The following GABRB2 variants were observed in gnomAD, a reference collection of about 807,000 sequenced individuals.
GABRB2 encodes gamma-aminobutyric acid type A receptor subunit beta2, also known as gamma-aminobutyric acid receptor subunit beta-2.
In GABRB2, 16 loss-of-function variants were observed where a neutral mutation model predicts 54.7. That is an observed-to-expected ratio of 0.29 (90% CI 0.20 to 0.44). GABRB2 has a LOEUF of 0.44. Ranked by LOEUF, GABRB2 falls within the 20% of genes least tolerant of loss-of-function variation. GABRB2 has a pLI of 1.00. For missense variants in GABRB2, 355 were observed against 644.0 expected (o/e 0.55, Z 4.86); for synonymous variants, 244 against 233.8 (o/e 1.04, Z -0.40).
chr5:161,354,152 C>CTAAA (rs1036306603), intron 5 of GABRB2, among the ~76,000 whole-genome samples: 1 of 151,980 alleles, frequency 6.6e-6, no homozygotes, highest in African/African-American at 2.4e-5. Flanking sequence ...ATAGAACCTG[C>CTAAA]TAAATATGCC....
chr5:161,421,393 G>T (rs540874490), intron 4 of GABRB2, among the ~76,000 whole-genome samples: 1 of 152,068 alleles, frequency 6.6e-6, no homozygotes, highest in Admixed American at 6.5e-5. Flanking sequence ...CTTTCCCACC[G>T]CCACATGTTT....
chr5:161,453,833 TG>T (rs1757863508), intron 4 of GABRB2, among the ~76,000 whole-genome samples: 2 of 151,996 alleles, frequency 1.3e-5, no homozygotes, highest in South Asian at 2.1e-4. Flanking sequence ...AATCAGGAGT[TG>T]AAGACCAGCC....
chr5:161,330,736 CATTA>C (rs1753813881), intron 8 of GABRB2, 143 bp downstream of exon 8: 1 of 1,130,828 alleles, frequency 8.8e-7, no homozygotes, highest in Non-Finnish European at 1.3e-6. Flanking sequence ...GTGCTTCCAT[CATTA>C]ATTGTTTGTG....
intron 5 of GABRB2, among the ~76,000 whole-genome samples, chr5:161,407,636 A>G (rs1050378265): frequency 4.6e-5 from 7 of 152,012 alleles, no homozygotes; most frequent in Admixed American, 6.6e-5. Context: ...TTCCCTAGAA[A>G]AATAGGCAGT....
At chr5:161,377,813 C>T (rs1219892951) in intron 5 of GABRB2, among the ~76,000 whole-genome samples, 1 of 151,878 alleles carries the variant, frequency 6.6e-6, no homozygotes, top group Non-Finnish European at 1.5e-5. Flanking sequence ...TAATTTGGTA[C>T]GTGAATCTAA....
chr5:161,394,939 A>G (rs988088265), intron 5 of GABRB2, among the ~76,000 whole-genome samples: 3 of 152,164 alleles, frequency 2.0e-5, no homozygotes, highest in Admixed American at 6.5e-5. Flanking sequence ...ATCCTTCATG[A>G]TGCAAAAATC....
intron 3 of GABRB2, among the ~76,000 whole-genome samples, chr5:161,468,180 A>G (rs1758332139): frequency 6.6e-6 from 1 of 152,090 alleles, no homozygotes; most frequent in South Asian, 2.1e-4. Context: ...GCAGAAATGT[A>G]AAGCAAATCA....
At chr5:161,537,589 TC>T (rs1760679374) in intron 3 of GABRB2, among the ~76,000 whole-genome samples, 1 of 152,212 alleles carries the variant, frequency 6.6e-6, no homozygotes, top group South Asian at 2.1e-4. Context: ...TTTTTTGCAT[TC>T]CTGTCTTAGT....
Position 161,330,904 on chromosome 5 carries a change from C to T in GABRB2, c.1056G>A (p.Lys352=), listed in dbSNP as rs2113397440. The T allele has an allele frequency of 6.2e-7, 1 of 1,614,258 alleles. No individual in the cohort carries two copies. Among genetic ancestry groups the T allele is most frequent in the Non-Finnish European group, 8.5e-7 (1 of 1,180,050 alleles). Residue 352 remains lysine, a synonymous_variant, in exon 8 of 10, where the codon AAG becomes AAA. Transcript: ENST00000393959. ...AEKAASANNE[K]MRLDVNKIFY... is the part of the protein sequence containing the mutation. ...TTACCTTGTTGACATCCAGGCGCAT[C>T]TTCTCATTGTTGGCACTGGCAGCCT... is the stretch of plus-strand genomic sequence containing the variant.
chr5:161,310,917 C>G (rs1293804052), intron 9 of GABRB2, among the ~76,000 whole-genome samples: 4 of 152,052 alleles, frequency 2.6e-5, no homozygotes, highest in African/African-American at 9.7e-5. Flanking sequence ...TCCACCACCA[C>G]GCCCGGCTAA....
At chr5:161,530,594 A>C (rs1581062257) in intron 3 of GABRB2, among the ~76,000 whole-genome samples, 1 of 152,270 alleles carries the variant, frequency 6.6e-6, no homozygotes, top group South Asian at 2.1e-4. Context: ...GTCTTATAGA[A>C]GAGAAATTTG....
chr5:161,300,245 A>G (rs1473058262), intron 9 of GABRB2, among the ~76,000 whole-genome samples: 4 of 152,224 alleles, frequency 2.6e-5, no homozygotes, highest in Non-Finnish European at 5.9e-5. Flanking sequence ...TGTTTATATA[A>G]AAGAAAAAAT....
intron 4 of GABRB2, among the ~76,000 whole-genome samples, chr5:161,428,291 G>A (rs1407696033): frequency 9.6e-6 from 1 of 103,992 alleles, no homozygotes; most frequent in Non-Finnish European, 2.3e-5. Flanking sequence ...AGAGTTACGT[G>A]TGTGTGTGTG....
intron 9 of GABRB2, among the ~76,000 whole-genome samples, chr5:161,296,341 C>G (rs1468724975): frequency 1.3e-5 from 2 of 152,134 alleles, no homozygotes; most frequent in African/African-American, 2.4e-5. Context: ...ATTTCCTTGG[C>G]CACCATGCAT....
At chr5:161,499,095 T>C (rs575891217) in intron 3 of GABRB2, among the ~76,000 whole-genome samples, 44 of 152,212 alleles carry the variant, frequency 2.9e-4, no homozygotes, top group African/African-American at 9.9e-4. Context: ...CTTCACAGCC[T>C]CCATACTAGC....
intron 5 of GABRB2, among the ~76,000 whole-genome samples, chr5:161,399,450 A>T (rs921721305): frequency 6.6e-6 from 1 of 152,136 alleles, no homozygotes; most frequent in African/African-American, 2.4e-5. Context: ...GGCACAGAAC[A>T]TCCGTTGTGC....
chr5:161,425,647 T>C (rs1756977145), intron 4 of GABRB2, among the ~76,000 whole-genome samples: 1 of 152,110 alleles, frequency 6.6e-6, no homozygotes. Flanking sequence ...ATTTGCTTTA[T>C]TGCAGTGGTC....
At chr5:161,503,847 C>T (rs1007840274) in intron 3 of GABRB2, among the ~76,000 whole-genome samples, 3 of 151,130 alleles carry the variant, frequency 2.0e-5, no homozygotes, top group African/African-American at 7.3e-5. Context: ...ATGATACACA[C>T]AGGTATGAAA....
chr5:161,478,938 G>C (rs1397943986), intron 3 of GABRB2, among the ~76,000 whole-genome samples: 1 of 152,034 alleles, frequency 6.6e-6, no homozygotes, highest in African/African-American at 2.4e-5. Context: ...GAAGCAGCAA[G>C]CTCTGAAGAG....
Sources: gnomAD v4.1 joint callset for allele counts (sites outside exome capture counted in the v4.1 genomes callset) on GRCh38, gnomAD v4.1.1 for gene constraint, MANE v1.5 for transcripts, NCBI Gene and HGNC (gene_info 2026-07-23, HGNC 2026-07-21) for gene names.